CYP2S1: variants seen among roughly 807,000 people sequenced by gnomAD.
The protein encoded by CYP2S1 is cytochrome P450 2S1.
In CYP2S1, 32 loss-of-function variants were observed where a neutral mutation model predicts 43.5. The observed-to-expected ratio is 0.74, with a 90% CI of 0.56 to 0.99. The LOEUF is 0.99. Ranked by LOEUF, CYP2S1 falls within the 50% of genes least tolerant of loss-of-function variation. The probability of loss-of-function intolerance (pLI) is 0.00; values close to 1 mark genes in which losing one functional copy is unlikely to be tolerated. For synonymous variants in CYP2S1, 283 were observed against 302.9 expected (o/e 0.93, Z 0.68); for missense variants, 575 against 673.9 (o/e 0.85, Z 1.62).
rs2122158326 is a variant in CYP2S1, at chr19:41,198,902, G to A, written c.834+14G>A. The A allele has an allele frequency of 1.3e-6, 2 of 1,595,548 alleles. No homozygotes were observed. Reference sequence around the variant, plus strand: ...AAGATGGCACAGGTGTGGGAAGGGTGCAGGGACCCCCTCTCTGAATGGGCG... The same window carrying A: ...AAGATGGCACAGGTGTGGGAAGGGTACAGGGACCCCCTCTCTGAATGGGCG... On this transcript the variant is annotated intron_variant, in intron 5 of 8. Coordinates refer to ENST00000310054, the MANE Select transcript of CYP2S1 (RefSeq NM_030622.8). The surrounding 1 kb of genome is among the most constrained non-coding windows in gnomAD (Gnocchi z 4.9).
In CYP2S1 at chr19:41,201,219, G is replaced by A. The variant is rs950101301; in HGVS notation, c.835-12G>A. 1.9e-6 allele frequency: 3 copies of A among 1,613,622 alleles called. No homozygotes were observed. The highest frequency in any genetic ancestry group is 2.5e-6 in the Non-Finnish European group (3 of 1,179,724). On this transcript the variant is annotated splice_polypyrimidine_tract_variant and intron_variant, in intron 5 of 8. Coordinates refer to ENST00000310054, the MANE Select transcript of CYP2S1 (RefSeq NM_030622.8). ...CTGTGTTCTCTCAGCCCCTCTGCCTGGTTTCTTTCAGGAGGAACAAAACCC... is the reference window on the plus strand; with the variant it reads ...CTGTGTTCTCTCAGCCCCTCTGCCTAGTTTCTTTCAGGAGGAACAAAACCC...
At chr19:41,204,598 T>TC (rs1263246152) in intron 7 of CYP2S1, among the ~76,000 whole-genome samples, 5 of 146,618 alleles carry the variant, frequency 3.4e-5, no homozygotes, top group African/African-American at 1.3e-4. Flanking sequence ...TCTTCTTTTT[T>TC]TTTTTTTTTT....
rs2122162236 is a variant in CYP2S1 at position 41,201,379 on chromosome 19, G to A, written c.976+7G>A. On this transcript the variant is annotated splice_region_variant and intron_variant, in intron 6 of 8. Coordinates refer to ENST00000310054, the MANE Select transcript of CYP2S1 (RefSeq NM_030622.8). Reference sequence around the variant, plus strand: ...AAATACCCTCATGTCCAAAGTAAGAGCCTTTTCCACTTGCCAGGCCTTGGG... The same window carrying A: ...AAATACCCTCATGTCCAAAGTAAGAACCTTTTCCACTTGCCAGGCCTTGGG... The A allele has an allele frequency of 1.9e-6, 3 of 1,613,156 alleles. No individual in the cohort carries two copies. The highest frequency in any genetic ancestry group is 1.1e-5 in the South Asian group (1 of 90,962).
At chr19:41,205,889 C>T in intron 7 of CYP2S1, 69 bp from the exon 8 acceptor site, 2 of 1,565,840 alleles carry the variant, frequency 1.3e-6, no homozygotes, top group African/African-American at 2.7e-5. Flanking sequence ...GAGACTTGTA[C>T]TCCACACTCG....
intron 7 of CYP2S1, 100 bp downstream of exon 7, chr19:41,203,737 GTCTCTC>G (rs142778350): frequency 1.2e-5 from 14 of 1,130,386 alleles, no homozygotes; most frequent in Middle Eastern, 3.1e-4. Flanking sequence ...TGATCTTAGT[GTCTCTC>G]TCTCTCTCTC....
At chr19:41,197,740 GA>G (rs2033431296) in intron 2 of CYP2S1, 38 bp from the exon 3 acceptor site, 2 of 1,605,620 alleles carry the variant, frequency 1.2e-6, no homozygotes, top group South Asian at 2.2e-5. Context: ...GAATGGGGGA[GA>G]GGGGCCGGTC....
At position 41,198,783 on chromosome 19, in the gene CYP2S1, C is replaced by T; in HGVS notation, c.729C>T (p.Thr243=). 6.2e-7 allele frequency: 1 copy of T among 1,614,228 alleles called. No individual in the cohort carries two copies. The highest frequency in any genetic ancestry group is 8.5e-7 in the Non-Finnish European group (1 of 1,180,038). Residue 243 remains threonine (T), a synonymous_variant, in exon 5 of 9, where the codon ACC becomes ACT. Coordinates refer to ENST00000310054, the MANE Select transcript of CYP2S1 (RefSeq NM_030622.8). This position sits in a 1 kb window ranked among gnomAD's most constrained non-coding sequence, Gnocchi z 4.9. ...PHKQLLHHVS[T]LAAFTVRQVQ... ...AGCAGCTCCTCCACCACGTCAGCAC[C>T]TTGGCTGCCTTCACAGTCCGGCAGG...
Position 41,206,605 on chromosome 19 carries a change from T to C in CYP2S1, c.*117T>C. ...CTGCAGGCAGCCACATTTACACGCC[T>C]GCAGTTGTTTTCCGGAGTCTGTCCC... On this transcript the variant is annotated 3_prime_UTR_variant, in exon 9 of 9. Transcript: ENST00000310054. The C allele has an allele frequency of 2.3e-6, 3 of 1,297,098 alleles. No homozygotes were observed. The highest frequency in any genetic ancestry group is 3.3e-6 in the Non-Finnish European group (3 of 899,662). The allele number at this position is 1,297,098 out of a possible 1,614,324, so 80.3% of individuals were successfully genotyped here.
chr19:41,206,587 C>G lies in CYP2S1; in HGVS notation c.*99C>G. ...ATGTCTCCAGAGTGTACACTGCAGG[C>G]AGCCACATTTACACGCCTGCAGTTG... On this transcript the variant is annotated 3_prime_UTR_variant, in exon 9 of 9. Transcript: ENST00000310054. 1.4e-6 allele frequency: 2 copies of G among 1,438,730 alleles called. No individual in the cohort carries two copies. The highest frequency in any genetic ancestry group is 1.9e-6 in the Non-Finnish European group (2 of 1,025,680). 89.1% of individuals were successfully genotyped at this position (1,438,730 alleles called of 1,614,324 possible).
At chr19:41,195,930 T>C (rs1227796171) in intron 2 of CYP2S1, among the ~76,000 whole-genome samples, 2 of 151,860 alleles carry the variant, frequency 1.3e-5, no homozygotes, top group African/African-American at 4.8e-5. Context: ...GTACCATGGG[T>C]ACCAGGTACA....
At position 41,206,786 on chromosome 19, in the gene CYP2S1, A is replaced by G. The variant is rs763910871; in HGVS notation, c.*298A>G. 8.3e-5 allele frequency: 49 copies of G among 589,710 alleles called. 2 individuals are homozygous for G. Among genetic ancestry groups the G allele is most frequent in the South Asian group, 7.1e-4 (48 of 67,280 alleles). 36.5% of individuals were successfully genotyped at this position (589,710 alleles called of 1,614,324 possible). The stretch of plus-strand genomic sequence containing the variant: ...AAGCACATAGCCAGGTAACCCACCA[A>G]CTCCCCTGGATCTGCAGCCCACACG... On this transcript the variant is annotated 3_prime_UTR_variant, in exon 9 of 9. Transcript: ENST00000310054.
chr19:41,202,052 T>A (rs964581621), intron 6 of CYP2S1, among the ~76,000 whole-genome samples: 2 of 152,086 alleles, frequency 1.3e-5, no homozygotes, highest in Admixed American at 1.3e-4. Flanking sequence ...AGTAGTGCGA[T>A]CTCGGCCCAC....
chr19:41,193,282 C>T lies in CYP2S1; in HGVS notation c.18C>T (p.Thr6=). 3.2e-6 allele frequency: 5 copies of T among 1,540,406 alleles called. No individual in the cohort carries two copies. In the South Asian group the frequency reaches 3.6e-5, roughly 11 times the overall value. Residue 6 remains threonine (T), a synonymous_variant, in exon 1 of 9, where the codon ACC becomes ACT. Coordinates refer to ENST00000310054, the MANE Select transcript of CYP2S1 (RefSeq NM_030622.8). Reference sequence around the variant, plus strand: ...CTGCCGAGATGGAGGCGACCGGCACCTGGGCGCTGCTGCTGGCGCTGGCGC... The same window carrying T: ...CTGCCGAGATGGAGGCGACCGGCACTTGGGCGCTGCTGCTGGCGCTGGCGC... The part of the protein sequence containing the change: MEATG[T]WALLLALALL...
In CYP2S1 at chr19:41,198,651, C is replaced by A; in HGVS notation, c.654+29C>A. The A allele has an allele frequency of 6.2e-7, 1 of 1,613,764 alleles. No homozygotes were observed. The highest frequency in any genetic ancestry group is 8.5e-7 in the Non-Finnish European group (1 of 1,179,838). On this transcript the variant is annotated intron_variant, in intron 4 of 8. Transcript: ENST00000310054. This position sits in a 1 kb window ranked among gnomAD's most constrained non-coding sequence, Gnocchi z 4.9. Reference sequence around the variant, plus strand: ...AGTGGGTGGGACCCCTCTCCAACTACCTTCCCTGAAGGTTCCTGCCAAGGT... The same window carrying A: ...AGTGGGTGGGACCCCTCTCCAACTAACTTCCCTGAAGGTTCCTGCCAAGGT...
intron 2 of CYP2S1, among the ~76,000 whole-genome samples, chr19:41,195,386 T>C (rs935964074): frequency 2.0e-5 from 3 of 152,098 alleles, no homozygotes; most frequent in East Asian, 3.9e-4. Flanking sequence ...AGGAACTCAG[T>C]AGTAACTAAG....
chr19:41,196,558 G>A (rs1286155289), intron 2 of CYP2S1, among the ~76,000 whole-genome samples: 1 of 152,100 alleles, frequency 6.6e-6, no homozygotes, highest in Non-Finnish European at 1.5e-5. Flanking sequence ...GGGATGGGGA[G>A]GAAGGAGTAA....
chr19:41,205,481 T>G (rs1052197584), intron 7 of CYP2S1, among the ~76,000 whole-genome samples: 5 of 150,278 alleles, frequency 3.3e-5, no homozygotes, highest in Non-Finnish European at 5.9e-5. Flanking sequence ...CTTCCTTTCT[T>G]CCTTCCTCCC....
In CYP2S1 at chr19:41,198,172, A is replaced by C. The variant is rs550282149; in HGVS notation, c.493+244A>C. On this transcript the variant is annotated intron_variant, in intron 3 of 8. Transcript: ENST00000310054. The surrounding 1 kb of genome is among the most constrained non-coding windows in gnomAD (Gnocchi z 4.9). ...ATCATCCCATTCTTCCTGGGTCTCC[A>C]TCTCTCTCTCTGTCTCTTTTCTTTC... Among the ~76,000 whole-genome samples, 1 of 148,232 alleles carries C rather than the reference A, an allele frequency of 6.7e-6. No individual in the cohort carries two copies. The highest frequency in any genetic ancestry group is 2.2e-4 in the South Asian group (1 of 4,616).
Position 41,193,234 on chromosome 19 carries a change from C to A in CYP2S1, c.-31C>A. On this transcript the variant is annotated 5_prime_UTR_variant, in exon 1 of 9. The change creates a new upstream start codon in the 5' untranslated region. Coordinates refer to ENST00000310054, the MANE Select transcript of CYP2S1 (RefSeq NM_030622.8). ...TAACTAGCCCAGCCGCGCGGAGCGC[C>A]TGGGAGAGGAGAAGGAGCCGACCTG... 1 of 1,509,694 alleles carries A rather than the reference C, an allele frequency of 6.6e-7. No individual in the cohort carries two copies. The highest frequency in any genetic ancestry group is 8.8e-7 in the Non-Finnish European group (1 of 1,135,250). The allele number at this position is 1,509,694 out of a possible 1,614,324, so 93.5% of individuals were successfully genotyped here. A position where few individuals can be genotyped will look rare whatever the true frequency, so the allele number is the denominator to read the frequency against.
Sources: allele counts gnomAD v4.1 joint callset (sites outside exome capture counted in the v4.1 genomes callset), GRCh38; gene constraint gnomAD v4.1.1; non-coding constraint Gnocchi (gnomAD v3.1); transcripts MANE v1.5; gene names NCBI Gene and HGNC (gene_info 2026-07-23, HGNC 2026-07-21).